Variants in AKAP6 observed in about 807,000 individuals in gnomAD.
AKAP6 encodes A-kinase anchor protein 6.
In AKAP6, 58 loss-of-function variants were observed where a neutral mutation model predicts 188.5. That is an observed-to-expected ratio of 0.31 (90% CI 0.25 to 0.38). The LOEUF is 0.38. Ranked by LOEUF, AKAP6 falls within the 10% of genes least tolerant of loss-of-function variation. The pLI, the probability that AKAP6 is intolerant of heterozygous loss-of-function variation, is 1.00. For missense variants in AKAP6, 2,710 were observed against 2,740.0 expected (o/e 0.99, Z 0.24); for synonymous variants, 989 against 998.6 (o/e 0.99, Z 0.18).
chr14:32,379,695 G>T (rs1888282168), intron 1 of AKAP6, among the ~76,000 whole-genome samples: 1 of 152,070 alleles, frequency 6.6e-6, no homozygotes. Context: ...ATCTTGACCT[G>T]GATGCCTCTC....
At chr14:32,675,291 G>A (rs187109053) in intron 7 of AKAP6, among the ~76,000 whole-genome samples, 11 of 152,270 alleles carry the variant, frequency 7.2e-5, no homozygotes, top group Middle Eastern at 3.4e-3. Flanking sequence ...CCATCACCGA[G>A]TCTTCTTCCC....
intron 11 of AKAP6, among the ~76,000 whole-genome samples, chr14:32,755,822 A>G (rs1484334114): frequency 1.3e-5 from 2 of 152,114 alleles, no homozygotes; most frequent in African/African-American, 4.8e-5. Context: ...ATTATTTTTA[A>G]TTATTTGCCA....
intron 7 of AKAP6, among the ~76,000 whole-genome samples, chr14:32,677,536 G>A (rs1889484365): frequency 6.6e-6 from 1 of 152,184 alleles, no homozygotes; most frequent in Non-Finnish European, 1.5e-5. Context: ...GCATGTCCCT[G>A]AGAAGATATC....
chr14:32,676,670 A>G (rs769470904), intron 7 of AKAP6, among the ~76,000 whole-genome samples: 52 of 152,230 alleles, frequency 3.4e-4, no homozygotes, highest in Non-Finnish European at 6.2e-4. Flanking sequence ...AATAGATTGC[A>G]GTTTTGATCT....
chr14:32,816,017 A>G (rs891647608), intron 12 of AKAP6, among the ~76,000 whole-genome samples: 10 of 152,182 alleles, frequency 6.6e-5, no homozygotes, highest in African/African-American at 1.4e-4. Context: ...GCTGATAAAC[A>G]TTGAACATTA....
At chr14:32,499,328 C>A (rs908697863) in intron 2 of AKAP6, among the ~76,000 whole-genome samples, 155 of 110,868 alleles carry the variant, frequency 1.4e-3, no homozygotes, top group Middle Eastern at 5.1e-3. Context: ...AGTGTAACAG[C>A]AAAAAAAAAA....
At chr14:32,348,706 C>T (rs1324585138) in intron 1 of AKAP6, among the ~76,000 whole-genome samples, 2 of 152,110 alleles carry the variant, frequency 1.3e-5, no homozygotes, top group South Asian at 4.1e-4. Context: ...AGCCACCGTG[C>T]CCAGCCCCAT....
Position 32,449,350 on chromosome 14 carries a change from A to G in AKAP6, c.324+15533A>G, listed in dbSNP as rs114737674. 8.7e-4 allele frequency among the ~76,000 whole-genome samples: 132 copies of G among 152,108 alleles called. 3 individuals carry two copies. The highest frequency in any genetic ancestry group is 2.5e-3 in the African/African-American group (104 of 41,494). On this transcript the variant is annotated intron_variant, in intron 2 of 13. Coordinates refer to ENST00000280979, the MANE Select transcript of AKAP6 (RefSeq NM_004274.5). ...TGGTAAAATCCTGTCTTTTCTAAAA[A>G]TACAAAACAAACAAACAAAAAATTA...
Position 32,332,490 on chromosome 14 carries a change from GC to G in AKAP6, c.-35+3085del. 2.0e-5 allele frequency among the ~76,000 whole-genome samples: 3 copies of G among 152,226 alleles called. No individual in the cohort carries two copies. In the Middle Eastern group the frequency reaches 0.01, roughly 518 times the overall value. ...AGTTGATGCTTAGACTTTTGCCACT[GC>G]CCTTGCTTGATATAACTTTCTAGCA... On this transcript the variant is annotated intron_variant, in intron 1 of 13. Transcript: ENST00000280979.
chr14:32,782,680 A>G (rs981503301), intron 12 of AKAP6, among the ~76,000 whole-genome samples: 3 of 152,184 alleles, frequency 2.0e-5, no homozygotes, highest in Admixed American at 6.5e-5. Context: ...ATGCTTAGGG[A>G]TGTATCTAAC....
chr14:32,678,270 T>G (rs1372804621), intron 7 of AKAP6, 41 bp from the exon 8 acceptor site: 1 of 1,579,622 alleles, frequency 6.3e-7, no homozygotes, highest in Non-Finnish European at 8.7e-7. Context: ...ATGCATTCCT[T>G]CTGGATTAAA....
In AKAP6 at chr14:32,821,997, C is replaced by T. The variant is rs368696382; in HGVS notation, c.4184C>T (p.Thr1395Ile). Residue 1395 changes from threonine (T) to isoleucine (I), a missense_variant, in exon 13 of 14, where the codon ACT becomes ATT. Physicochemically the swap from Thr to Ile is moderately conservative, Grantham distance 89. Transcript: ENST00000280979. ...AVDGSPSNLE[T>I]EHLDPQMGDA... ...GATGGGTCCCCAAGTAACCTTGAAA[C>T]TGAACATCTGGACCCACAAATGGGA... 5.0e-6 allele frequency: 8 copies of T among 1,613,822 alleles called. No individual in the cohort carries two copies. The African/African-American group carries it at 9.3e-5, about 19-fold the overall frequency.
intron 1 of AKAP6, among the ~76,000 whole-genome samples, chr14:32,389,087 A>G (rs1443973359): frequency 6.6e-6 from 1 of 152,060 alleles, no homozygotes; most frequent in African/African-American, 2.4e-5. Flanking sequence ...TTTTATCATC[A>G]TATAATGTCC....
At chr14:32,423,550 A>G (rs1353029768) in intron 1 of AKAP6, among the ~76,000 whole-genome samples, 1 of 152,190 alleles carries the variant, frequency 6.6e-6, no homozygotes, top group Non-Finnish European at 1.5e-5. Context: ...ATTAGCAAAT[A>G]CTTCTATATT....
chr14:32,403,128 A>AGGT (rs1889155962), intron 1 of AKAP6: 1 of 152,244 alleles, frequency 6.6e-6, no homozygotes, highest in African/African-American at 2.4e-5. Context: ...GTGGATGCAC[A>AGGT]TCAAGGCTTC....
rs148293225 is a variant in AKAP6, at chr14:32,823,702, A to T, written c.5889A>T (p.Lys1963Asn). The T allele has an allele frequency of 3.7e-5, 60 of 1,613,858 alleles. 2 individuals carry two copies. The Middle Eastern group carries it at 5.0e-4, about 13-fold the overall frequency. ...VSQDVRHLPKKCPNHHHFENQ... is the reference protein window; with the variant it reads ...VSQDVRHLPKNCPNHHHFENQ... ...AAGATGTTAGACATCTTCCAAAGAA[A>T]TGTCCAAATCACCACCATTTTGAAA... Residue 1963 changes from lysine to asparagine, a missense_variant, in exon 13 of 14, where the codon AAA (lysine) becomes AAT (asparagine). By Grantham distance (94) the Lys-to-Asn change is moderately conservative. Coordinates refer to ENST00000280979, the MANE Select transcript of AKAP6 (RefSeq NM_004274.5).
rs561446770 is a variant in AKAP6 at position 32,689,589 on chromosome 14, T to G, written c.2880-6401T>G. 1.7e-4 allele frequency among the ~76,000 whole-genome samples: 26 copies of G among 152,250 alleles called. 2 individuals carry two copies. In the South Asian group the frequency reaches 4.8e-3, roughly 28 times the overall value. ...AAAATAGTAAATTAGTGTCCACACT[T>G]TCATATGTTTAGAGTGGAAAGGGAT... On this transcript the variant is annotated intron_variant, in intron 8 of 13. Coordinates refer to ENST00000280979, the MANE Select transcript of AKAP6 (RefSeq NM_004274.5).
At chr14:32,750,106 G>A (rs2032066501) in intron 11 of AKAP6, among the ~76,000 whole-genome samples, 1 of 152,046 alleles carries the variant, frequency 6.6e-6, no homozygotes, top group Admixed American at 6.6e-5. Context: ...CTGAGTTTTA[G>A]CAATACCACA....
At chr14:32,397,803 A>T (rs1269250796) in intron 1 of AKAP6, among the ~76,000 whole-genome samples, 1 of 152,228 alleles carries the variant, frequency 6.6e-6, no homozygotes, top group Non-Finnish European at 1.5e-5. Flanking sequence ...GATGATGAGT[A>T]TGTAAATAAG....
Sources: allele counts gnomAD v4.1 joint callset (sites outside exome capture counted in the v4.1 genomes callset), GRCh38; gene constraint gnomAD v4.1.1; transcripts MANE v1.5; gene names NCBI Gene and HGNC (gene_info 2026-07-23, HGNC 2026-07-21).